ADAMTS20: variants seen among roughly 807,000 people sequenced by gnomAD.
ADAMTS20 encodes ADAM metallopeptidase with thrombospondin type 1 motif 20.
In ADAMTS20, 225 loss-of-function variants were observed where a neutral mutation model predicts 260.1. That is an observed-to-expected ratio of 0.87 (90% CI 0.78 to 0.97). The LOEUF (loss-of-function observed/expected upper bound fraction) is 0.97. ADAMTS20 is among the 50% of genes least tolerant of loss of function. The pLI is 0.00. For missense variants in ADAMTS20, 2,400 were observed against 2,337.7 expected (o/e 1.03, Z -0.55); for synonymous variants, 802 against 769.5 (o/e 1.04, Z -0.70).
At chr12:43,374,774 G>A (rs1380510606) in intron 36 of ADAMTS20, among the ~76,000 whole-genome samples, 2 of 152,280 alleles carry the variant, frequency 1.3e-5, no homozygotes, top group Non-Finnish European at 2.9e-5. Flanking sequence ...CAAGTAGACC[G>A]AGGATATTAA....
chr12:43,463,155 A>T (rs1033322876), intron 10 of ADAMTS20, among the ~76,000 whole-genome samples, 156 bp from the exon 11 acceptor site: 1 of 152,204 alleles, frequency 6.6e-6, no homozygotes, highest in Non-Finnish European at 1.5e-5. Flanking sequence ...AGTTCTAGTC[A>T]TTAATTTTCT....
intron 37 of ADAMTS20, among the ~76,000 whole-genome samples, chr12:43,367,757 C>T (rs1446241148): frequency 6.6e-6 from 1 of 152,050 alleles, no homozygotes; most frequent in Non-Finnish European, 1.5e-5. Flanking sequence ...TCTTTATTCA[C>T]AGATGACATC....
Position 43,462,946 on chromosome 12 carries a change from A to C in ADAMTS20, c.1563T>G (p.Cys521Trp), listed in dbSNP as rs1942089745. 2 of 1,609,778 alleles carry C rather than the reference A, an allele frequency of 1.2e-6. No homozygotes were observed. Among genetic ancestry groups the C allele is most frequent in the African/African-American group, 2.7e-5 (2 of 74,930 alleles). The part of the protein sequence containing the change: ...CTSTEKLHKG[C>W]FTQHVPPADG... ...CTGCTGGTGGCACGTGTTGAGTGAA[A>C]CAGCCTTTGTGAAGCTTTTCTGTGC... Residue 521 changes from cysteine (C) to tryptophan (W), a missense_variant, in exon 11 of 39, where the codon TGT becomes TGG. Transcript: ENST00000389420.
intron 21 of ADAMTS20, 126 bp downstream of exon 21, chr12:43,432,178 T>C (rs1941457246): frequency 9.0e-7 from 1 of 1,110,976 alleles, no homozygotes; most frequent in African/African-American, 1.6e-5. Context: ...TCTGACAGCT[T>C]TGATAATAGT....
At position 43,376,121 on chromosome 12, in the gene ADAMTS20, T is replaced by C; in HGVS notation, c.5248A>G (p.Asn1750Asp). The C allele has an allele frequency of 6.2e-7, 1 of 1,609,712 alleles. No individual in the cohort carries two copies. Among genetic ancestry groups the C allele is most frequent in the Non-Finnish European group, 8.5e-7 (1 of 1,178,068 alleles). The change falls in exon 35 of 39, where the codon AAC becomes GAC. Residue 1750 changes from asparagine to aspartate, a missense_variant. By Grantham distance (23) the Asn-to-Asp change is conservative. Transcript: ENST00000389420. The stretch of plus-strand genomic sequence containing the variant: ...ACCAGTGTTAAATATTCCTTAGGGT[T>C]CTCCAAGTACATGTCTGCACAATAA... ...KIYCADMYLE[N>D]PKEYLTLVQG...
chr12:43,361,856 T>C (rs537614933), intron 37 of ADAMTS20, among the ~76,000 whole-genome samples: 1 of 152,364 alleles, frequency 6.6e-6, no homozygotes, highest in African/African-American at 2.4e-5. Flanking sequence ...AATAAAATTT[T>C]AATTCCATTT....
At chr12:43,532,599 A>C (rs1333492651) in intron 2 of ADAMTS20, among the ~76,000 whole-genome samples, 3 of 127,742 alleles carry the variant, frequency 2.3e-5, no homozygotes, top group Non-Finnish European at 4.9e-5. Flanking sequence ...ACATGTGCAC[A>C]TTGTGCAGGT....
At chr12:43,516,373 ACTGCTTCC>A (rs1334185545) in intron 3 of ADAMTS20, among the ~76,000 whole-genome samples, 3 of 152,216 alleles carry the variant, frequency 2.0e-5, no homozygotes, top group African/African-American at 7.2e-5. Context: ...AATTAGAATT[ACTGCTTCC>A]TTTTCATAAG....
Position 43,417,927 on chromosome 12 carries a change from A to T in ADAMTS20, c.4284+7587T>A, listed in dbSNP as rs369258913. On this transcript the variant is annotated intron_variant, in intron 28 of 38. Transcript: ENST00000389420. ...CATGCACACTGAGGAAGATATATGAACTCTATCATACGTATAACTCAAAAT... is the reference window on the plus strand; with the variant it reads ...CATGCACACTGAGGAAGATATATGATCTCTATCATACGTATAACTCAAAAT... 7.9e-5 allele frequency among the ~76,000 whole-genome samples: 12 copies of T among 152,290 alleles called. No homozygotes were observed. The South Asian group carries it at 1.0e-3, about 13-fold the overall frequency.
chr12:43,481,787 C>T (rs1942445872), intron 7 of ADAMTS20, among the ~76,000 whole-genome samples: 1 of 152,048 alleles, frequency 6.6e-6, no homozygotes, highest in African/African-American at 2.4e-5. Context: ...CTCTCCCACC[C>T]GGAAAGACAA....
intron 11 of ADAMTS20, 64 bp downstream of exon 11, chr12:43,462,831 A>T (rs1386535294): frequency 7.5e-7 from 1 of 1,340,142 alleles, no homozygotes; most frequent in Non-Finnish European, 1.0e-6. Flanking sequence ...GAGTGCTAAA[A>T]TGCAGAGCAA....
intron 2 of ADAMTS20, among the ~76,000 whole-genome samples, chr12:43,537,196 T>C (rs1441194154): frequency 6.6e-6 from 1 of 151,152 alleles, no homozygotes; most frequent in Non-Finnish European, 1.5e-5. Context: ...CAGCCTCCCA[T>C]AACTGGCGGA....
intron 28 of ADAMTS20, among the ~76,000 whole-genome samples, chr12:43,405,449 AATAAT>A: frequency 2.1e-5 from 3 of 141,818 alleles, no homozygotes; most frequent in African/African-American, 7.7e-5. Context: ...TAATAATAAT[AATAAT>A]AATAATAAAT....
intron 28 of ADAMTS20, among the ~76,000 whole-genome samples, chr12:43,419,978 C>A (rs1229397139): frequency 1.3e-5 from 2 of 152,144 alleles, no homozygotes; most frequent in Admixed American, 6.5e-5. Flanking sequence ...AAATATTATT[C>A]TTTTATGGTA....
chr12:43,379,936 G>A (rs547085169), intron 31 of ADAMTS20, among the ~76,000 whole-genome samples: 1 of 151,984 alleles, frequency 6.6e-6, no homozygotes, highest in African/African-American at 2.4e-5. Flanking sequence ...AAGGAGCACT[G>A]CCTAACTCAT....
intron 29 of ADAMTS20, among the ~76,000 whole-genome samples, chr12:43,388,592 A>G (rs145694374): frequency 6.6e-6 from 1 of 152,144 alleles, no homozygotes; most frequent in Non-Finnish European, 1.5e-5. Flanking sequence ...TTATGTGTAC[A>G]ATTTTGTGTT....
chr12:43,460,988 A>ATATATATATT, intron 11 of ADAMTS20, among the ~76,000 whole-genome samples: 2 of 26,396 alleles, frequency 7.6e-5, no homozygotes, highest in African/African-American at 1.3e-4. Flanking sequence ...ATATATATAT[A>ATATATATATT]TTTTTTTTTT....
rs751218104 is a variant in ADAMTS20, at chr12:43,502,263, T to G, written c.756A>C (p.Lys252Asn). The G allele has an allele frequency of 1.2e-6, 2 of 1,611,990 alleles. No individual in the cohort carries two copies. The highest frequency in any genetic ancestry group is 1.7e-5 in the Admixed American group (1 of 59,486). The change falls in exon 4 of 39, where the codon AAA becomes AAC. Residue 252 changes from lysine (K) to asparagine (N), a missense_variant. Coordinates refer to ENST00000389420, the MANE Select transcript of ADAMTS20 (RefSeq NM_025003.5). ...LKDERRHSRK[K>N]RLISYPRYIE... Reference sequence around the variant, plus strand: ...TGTATCTTGGATATGATATAAGACGTTTTTTCCTGGAATGTCTTCTTTCAT... The same window carrying G: ...TGTATCTTGGATATGATATAAGACGGTTTTTCCTGGAATGTCTTCTTTCAT...
chr12:43,430,607 T>G, intron 22 of ADAMTS20, 136 bp from the exon 23 acceptor site: 2 of 798,082 alleles, frequency 2.5e-6, no homozygotes, highest in South Asian at 7.8e-5. Flanking sequence ...GATTTAAGAC[T>G]TAAAAAGAGC....
Sources: gnomAD v4.1 joint callset for allele counts (sites outside exome capture counted in the v4.1 genomes callset) on GRCh38, gnomAD v4.1.1 for gene constraint, MANE v1.5 for transcripts, NCBI Gene and HGNC (gene_info 2026-07-23, HGNC 2026-07-21) for gene names.